The following IARS1 variants were observed in gnomAD, a reference collection of about 807,000 sequenced individuals.
IARS1 encodes isoleucyl-tRNA synthetase 1, also known as isoleucine--tRNA ligase, cytoplasmic.
In IARS1, 124 loss-of-function variants were observed where a neutral mutation model predicts 168.2. The observed-to-expected ratio is 0.74, with a 90% CI of 0.64 to 0.86. The LOEUF (loss-of-function observed/expected upper bound fraction) is 0.86. Ranked by LOEUF, IARS1 falls within the 40% of genes least tolerant of loss-of-function variation. The pLI is 0.00. For synonymous variants in IARS1, 532 were observed against 529.4 expected (o/e 1.00, Z -0.07); for missense variants, 1,452 against 1,515.8 (o/e 0.96, Z 0.70).
chr9:92,247,289 G>T, intron 26 of IARS1, 88 bp downstream of exon 26: 1 of 1,195,454 alleles, frequency 8.4e-7, no homozygotes, highest in Non-Finnish European at 1.2e-6. Context: ...GAAAGGAAAG[G>T]ATGTGATATT....
At chr9:92,223,842 C>A (rs1039841948) in intron 31 of IARS1, among the ~76,000 whole-genome samples, 2 of 152,166 alleles carry the variant, frequency 1.3e-5, no homozygotes, top group Admixed American at 6.5e-5. Flanking sequence ...GTGCTAATTA[C>A]AGTCAGAAGA....
chr9:92,232,894 T>C (rs1329086312), intron 30 of IARS1, among the ~76,000 whole-genome samples: 1 of 152,224 alleles, frequency 6.6e-6, no homozygotes, highest in Admixed American at 6.5e-5. Context: ...ATCACTCTGG[T>C]TAAATGAGTG....
chr9:92,224,508 G>C (rs1375419427), intron 31 of IARS1, among the ~76,000 whole-genome samples: 1 of 152,202 alleles, frequency 6.6e-6, no homozygotes, highest in Non-Finnish European at 1.5e-5. Context: ...TATGTGGACA[G>C]ATCTCTACAA....
chr9:92,287,772 T>C lies in IARS1; in HGVS notation c.396+19A>G, dbSNP rs16908260. 0.013 allele frequency: 20,607 copies of C among 1,602,220 alleles called. 1,811 individuals are homozygous for C. The Admixed American group carries it at 0.21, about 17-fold the overall frequency. ...TAACTACATTTGCTGTTCATTCTAC[T>C]GAAAAAAACCCAACATACCTTCCAC... On this transcript the variant is annotated intron_variant, in intron 4 of 33. Transcript: ENST00000443024.
At chr9:92,270,420 T>C (rs763696220) in intron 12 of IARS1, among the ~76,000 whole-genome samples, 2 of 152,216 alleles carry the variant, frequency 1.3e-5, no homozygotes, top group African/African-American at 4.8e-5. Flanking sequence ...AAAAAAAATG[T>C]GGCCACAATA....
chr9:92,255,125 C>T (rs1830542949), intron 20 of IARS1, among the ~76,000 whole-genome samples: 1 of 152,238 alleles, frequency 6.6e-6, no homozygotes, highest in East Asian at 1.9e-4. Flanking sequence ...CTCACACTCA[C>T]TTCCATCTTC....
chr9:92,238,277 T>C (rs1827846940), intron 30 of IARS1, among the ~76,000 whole-genome samples: 2 of 152,310 alleles, frequency 1.3e-5, no homozygotes, highest in Admixed American at 6.5e-5. Flanking sequence ...CCTCCAACTC[T>C]CATGTTGAAA....
chr9:92,263,785 A>G (rs1256224673), intron 16 of IARS1, among the ~76,000 whole-genome samples: 2 of 152,214 alleles, frequency 1.3e-5, no homozygotes, highest in Admixed American at 1.3e-4. Flanking sequence ...CGGGATCCAC[A>G]TGAGGACTGT....
chr9:92,227,084 T>C (rs1371430129), intron 31 of IARS1, among the ~76,000 whole-genome samples: 1 of 137,376 alleles, frequency 7.3e-6, no homozygotes, highest in Non-Finnish European at 1.6e-5. Flanking sequence ...CAACCCTGAG[T>C]GGACACAGCA....
intron 22 of IARS1, 104 bp downstream of exon 22, chr9:92,251,704 G>T: frequency 5.3e-6 from 4 of 755,172 alleles, no homozygotes; most frequent in Non-Finnish European, 9.1e-6. Context: ...ATCTATTTTT[G>T]GCAGAATAAT....
intron 30 of IARS1, among the ~76,000 whole-genome samples, chr9:92,236,943 CTTCTTT>C (rs1428702831): frequency 3.9e-5 from 6 of 152,156 alleles, no homozygotes; most frequent in African/African-American, 7.2e-5. Flanking sequence ...GCAACTGTGT[CTTCTTT>C]TTCTTTATTA....
At chr9:92,259,023 A>C in intron 18 of IARS1, 25 bp from the exon 19 acceptor site, 3 of 1,578,786 alleles carry the variant, frequency 1.9e-6, no homozygotes, top group Non-Finnish European at 2.6e-6. Flanking sequence ...AAAATTAGAC[A>C]GAAAAGGTAC....
At chr9:92,222,791 C>T (rs1046166314) in intron 32 of IARS1, 119 bp from the exon 33 acceptor site, 12 of 868,700 alleles carry the variant, frequency 1.4e-5, no homozygotes, top group East Asian at 2.6e-5. Flanking sequence ...CGTCCAGGAG[C>T]GTGAGTGTGA....
At chr9:92,255,860 A>G (rs1241896142) in intron 20 of IARS1, among the ~76,000 whole-genome samples, 2 of 152,222 alleles carry the variant, frequency 1.3e-5, no homozygotes, top group Non-Finnish European at 2.9e-5. Flanking sequence ...GTACATTTAA[A>G]AACAAGAAAA....
intron 6 of IARS1, among the ~76,000 whole-genome samples, chr9:92,284,772 C>G (rs930142098): frequency 1.3e-5 from 2 of 152,058 alleles, no homozygotes; most frequent in Admixed American, 1.3e-4. Flanking sequence ...CTGACTCAAA[C>G]AAACAAACAA....
intron 26 of IARS1, among the ~76,000 whole-genome samples, chr9:92,245,937 T>A (rs966910807): frequency 6.6e-6 from 1 of 150,488 alleles, no homozygotes; most frequent in African/African-American, 2.4e-5. Flanking sequence ...TGGCTAATTT[T>A]GTGTGTGTGT....
chr9:92,287,462 T>A (rs192483169), intron 4 of IARS1: 298 of 163,054 alleles, frequency 1.8e-3, no homozygotes, highest in African/African-American at 6.8e-3. Context: ...AATTGTTTAA[T>A]AAGTCAAATT....
At chr9:92,275,677 T>C (rs1564184154) in intron 9 of IARS1, among the ~76,000 whole-genome samples, 1 of 152,218 alleles carries the variant, frequency 6.6e-6, no homozygotes, top group Non-Finnish European at 1.5e-5. Flanking sequence ...ACTTTGGGCC[T>C]ACCCAGGCCA....
intron 14 of IARS1, among the ~76,000 whole-genome samples, chr9:92,266,080 C>G (rs1337207769): frequency 6.6e-6 from 1 of 152,252 alleles, no homozygotes; most frequent in South Asian, 2.1e-4. Flanking sequence ...AGGGTTGCCA[C>G]TGCTCCTCTG....
Sources: gnomAD v4.1 joint callset for allele counts (sites outside exome capture counted in the v4.1 genomes callset) on GRCh38, gnomAD v4.1.1 for gene constraint, MANE v1.5 for transcripts, NCBI Gene and HGNC (gene_info 2026-07-23, HGNC 2026-07-21) for gene names.